The following DNAJC17 variants were observed in gnomAD, a reference collection of about 807,000 sequenced individuals.
DNAJC17 encodes the protein DnaJ heat shock protein family (Hsp40) member C17.
In DNAJC17, 35 loss-of-function variants were observed where a neutral mutation model predicts 48.1. The observed-to-expected ratio is 0.73, with a 90% CI of 0.56 to 0.96. DNAJC17 has a LOEUF of 0.96. Among genes scored for constraint, DNAJC17 ranks in the 50% least tolerant of loss-of-function variants. The pLI is 0.00. For synonymous variants in DNAJC17, 117 were observed against 142.7 expected (o/e 0.82, Z 1.28); for missense variants, 355 against 377.1 (o/e 0.94, Z 0.48).
At position 40,768,035 on chromosome 15, in the gene DNAJC17, CGT is replaced by C; in HGVS notation, c.818_819del (p.Tyr273Ter). ...SKGSVLSERD[Y>X]ESLVMMRMRQ... ...CGCATGCGCATCATGACGAGGCTCT[CGT>C]AGTCCCTCTCTGACAGCACTGAGCC... is the stretch of plus-strand genomic sequence containing the variant. On this transcript the variant is annotated frameshift_variant, in exon 11 of 11. Coordinates refer to ENST00000220496, the MANE Select transcript of DNAJC17 (RefSeq NM_018163.3). LOFTEE classifies it high-confidence loss of function. 1 of 1,590,964 alleles carries C rather than the reference CGT, an allele frequency of 6.3e-7. No homozygotes were observed. Among genetic ancestry groups the C allele is most frequent in the East Asian group, 2.2e-5 (1 of 44,708 alleles).
chr15:40,770,504 C>A lies in DNAJC17; in HGVS notation c.793-2442G>T. On this transcript the variant is annotated intron_variant, in intron 10 of 10. Coordinates refer to ENST00000220496, the MANE Select transcript of DNAJC17 (RefSeq NM_018163.3). This position sits in a 1 kb window ranked among gnomAD's most constrained non-coding sequence, Gnocchi z 5.0. ...TGGCTCCCCTGGGCCCCATGGAGAC[C>A]TGGCGGAAAGGCTCCTTCCGCAACG... The A allele has an allele frequency of 6.5e-7, 1 of 1,549,396 alleles. No individual in the cohort carries two copies. Among genetic ancestry groups the A allele is most frequent in the Non-Finnish European group, 8.7e-7 (1 of 1,146,490 alleles).
rs80109447 is a variant in DNAJC17, at chr15:40,796,525, G to A, written c.78+10844C>T. ...GCCCTGAAAATCAGGAATGTGTTAG[G>A]TGAGTTTGAAAAAAATCACAGGAGG... is the stretch of plus-strand genomic sequence containing the variant. On this transcript the variant is annotated intron_variant, in intron 1 of 10. Transcript: ENST00000220496. Among the ~76,000 whole-genome samples, 211 of 152,200 alleles carry A rather than the reference G, an allele frequency of 1.4e-3. 2 individuals are homozygous for A. In the East Asian group the frequency reaches 0.027, roughly 19 times the overall value.
At chr15:40,782,234 T>TA (rs921248353) in intron 1 of DNAJC17, among the ~76,000 whole-genome samples, 1 of 151,262 alleles carries the variant, frequency 6.6e-6, no homozygotes, top group African/African-American at 2.4e-5. Flanking sequence ...AAAATAAAAA[T>TA]AAAAAAATTT....
At chr15:40,807,276 A>T (rs765185785) in intron 1 of DNAJC17, 93 bp downstream of exon 1, 1 of 1,608,562 alleles carries the variant, frequency 6.2e-7, no homozygotes, top group Non-Finnish European at 8.5e-7. Flanking sequence ...ACCCGAATGA[A>T]CCTGGAGAGC....
chr15:40,770,490 G>C lies in DNAJC17; in HGVS notation c.793-2428C>G. 1 of 1,546,730 alleles carries C rather than the reference G, an allele frequency of 6.5e-7. No homozygotes were observed. Among genetic ancestry groups the C allele is most frequent in the Non-Finnish European group, 8.7e-7 (1 of 1,145,236 alleles). On this transcript the variant is annotated intron_variant, in intron 10 of 10. Coordinates refer to ENST00000220496, the MANE Select transcript of DNAJC17 (RefSeq NM_018163.3). This position sits in a 1 kb window ranked among gnomAD's most constrained non-coding sequence, Gnocchi z 5.0. ...GAACACCTGTCTGCTGGCTCCCCTG[G>C]GCCCCATGGAGACCTGGCGGAAAGG...
At chr15:40,771,571 C>G (rs191342108) in intron 10 of DNAJC17, 5 of 173,908 alleles carry the variant, frequency 2.9e-5, no homozygotes, top group African/African-American at 1.2e-4. Context: ...AAGGCCTGAC[C>G]CTGTCTAATC....
chr15:40,782,781 G>A (rs112012541), intron 1 of DNAJC17, among the ~76,000 whole-genome samples: 85 of 152,214 alleles, frequency 5.6e-4, no homozygotes, highest in African/African-American at 2.0e-3. Context: ...GGCAGCCACC[G>A]GGCCCAGGAC....
At chr15:40,792,895 C>CTTTTT (rs563611021) in intron 1 of DNAJC17, among the ~76,000 whole-genome samples, 2 of 126,298 alleles carry the variant, frequency 1.6e-5, no homozygotes, top group Non-Finnish European at 1.7e-5. Context: ...AAGATCCCTT[C>CTTTTT]TTTTTTTTTT....
chr15:40,795,025 T>C (rs1889912059), intron 1 of DNAJC17, among the ~76,000 whole-genome samples: 1 of 152,046 alleles, frequency 6.6e-6, no homozygotes, highest in Non-Finnish European at 1.5e-5. Context: ...TTATTTTTAA[T>C]ATATATTTTT....
At chr15:40,776,106 C>A in intron 6 of DNAJC17, 90 bp downstream of exon 6, 1 of 1,279,272 alleles carries the variant, frequency 7.8e-7, no homozygotes, top group South Asian at 1.3e-5. Context: ...TAGAAGCCTC[C>A]ACAGCAGCTC....
chr15:40,775,637 A>T, intron 6 of DNAJC17, 41 bp from the exon 7 acceptor site: 1 of 1,594,190 alleles, frequency 6.3e-7, no homozygotes, highest in Non-Finnish European at 8.6e-7. Flanking sequence ...AATATGAGGG[A>T]GTCAGAGATT....
chr15:40,779,204 G>A lies in DNAJC17; in HGVS notation c.295+19C>T, dbSNP rs1368219339. ...ACCACAGGAAACCACAGGCCACCGA[G>A]CACTATGATGGCACCTACCAAGCTT... On this transcript the variant is annotated intron_variant, in intron 4 of 10. Transcript: ENST00000220496. The A allele has an allele frequency of 6.2e-7, 1 of 1,609,668 alleles. No individual in the cohort carries two copies. Among genetic ancestry groups the A allele is most frequent in the Non-Finnish European group, 8.5e-7 (1 of 1,175,964 alleles).
chr15:40,805,461 C>T (rs970845093), intron 1 of DNAJC17, among the ~76,000 whole-genome samples: 1 of 150,440 alleles, frequency 6.6e-6, no homozygotes, highest in Non-Finnish European at 1.5e-5. Flanking sequence ...GCAGGAGAAT[C>T]GCTTGAACCT....
chr15:40,801,765 AAAG>A (rs1241099177), intron 1 of DNAJC17, among the ~76,000 whole-genome samples: 2 of 152,042 alleles, frequency 1.3e-5, no homozygotes, highest in African/African-American at 4.8e-5. Flanking sequence ...AAAGAAAAGA[AAAG>A]AAATTCTATT....
rs978672855 is a variant in DNAJC17, at chr15:40,769,348, C to T, written c.793-1286G>A. Among the ~76,000 whole-genome samples, 2 of 152,202 alleles carry T rather than the reference C, an allele frequency of 1.3e-5. No individual in the cohort carries two copies. Among genetic ancestry groups the T allele is most frequent in the Non-Finnish European group, 2.9e-5 (2 of 68,032 alleles). On this transcript the variant is annotated intron_variant, in intron 10 of 10. Transcript: ENST00000220496. This position sits in a 1 kb window ranked among gnomAD's most constrained non-coding sequence, Gnocchi z 4.2. ...GCAACACGGCCCGGCCTTCAGCAGC[C>T]GCTCTCCTGGCAGGAGCCCTCTAGG...
chr15:40,792,469 G>C, intron 1 of DNAJC17: 4 of 985,360 alleles, frequency 4.1e-6, no homozygotes, highest in Non-Finnish European at 4.8e-6. Flanking sequence ...AGATGAATGA[G>C]CTACACACCC....
Position 40,767,293 on chromosome 15 carries a change from G to A in DNAJC17, c.*647C>T. The A allele has an allele frequency of 6.2e-7, 1 of 1,605,404 alleles. No individual in the cohort carries two copies. Among genetic ancestry groups the A allele is most frequent in the Non-Finnish European group, 8.5e-7 (1 of 1,176,116 alleles). ...CAAGCTGGAACGCAGGGGCTTCCGT[G>A]TGCTGAGCATGACGGGGGTGGGCCA... On this transcript the variant is annotated 3_prime_UTR_variant, in exon 11 of 11. Coordinates refer to ENST00000220496, the MANE Select transcript of DNAJC17 (RefSeq NM_018163.3).
chr15:40,779,603 G>C lies in DNAJC17; in HGVS notation c.149C>G (p.Ala50Gly), dbSNP rs540715862. ...PDKNPDNPRA[A>G]ELFHQLSQAL... is the part of the protein sequence containing the mutation. ...CTGAGAAAGCTGGTGGAAGAGTTCA[G>C]CTAAACATAAGGATCAAAAAGACAG... The change falls in exon 3 of 11, where the codon GCT (alanine) becomes GGT (glycine). Residue 50 changes from alanine (A) to glycine (G), a missense_variant and splice_region_variant. Transcript: ENST00000220496. 3 of 1,613,986 alleles carry C rather than the reference G, an allele frequency of 1.9e-6. No individual in the cohort carries two copies. The highest frequency in any genetic ancestry group is 2.2e-5 in the South Asian group (2 of 91,084).
At chr15:40,780,234 C>G (rs1369095348) in intron 1 of DNAJC17, 1 of 646,190 alleles carries the variant, frequency 1.5e-6, no homozygotes, top group East Asian at 3.1e-5. Flanking sequence ...AACCTCACCA[C>G]TGCAGATGTC....
Sources: allele counts gnomAD v4.1 joint callset (sites outside exome capture counted in the v4.1 genomes callset), GRCh38; gene constraint gnomAD v4.1.1; non-coding constraint Gnocchi (gnomAD v3.1); transcripts MANE v1.5; gene names NCBI Gene and HGNC (gene_info 2026-07-23, HGNC 2026-07-21).